LRTM1: variants seen among roughly 807,000 people sequenced by gnomAD.
LRTM1 encodes leucine rich repeat transmembrane protein 1.
In LRTM1, 38 loss-of-function variants were observed where a neutral mutation model predicts 32.4. That is an observed-to-expected ratio of 1.17 (90% CI 0.91 to 1.54). LRTM1 has a LOEUF of 1.54. Among genes scored for constraint, LRTM1 ranks in the 40% most tolerant of loss-of-function variants. LRTM1 has a pLI of 0.00. For synonymous variants in LRTM1, 186 were observed against 169.9 expected, an observed-to-expected ratio of 1.09 and a Z score of -0.74; for missense variants, 466 against 415.4, an observed-to-expected ratio of 1.12 and a Z score of -1.06.
At position 54,924,504 on chromosome 3, in the gene LRTM1, A is replaced by G; in HGVS notation, c.604+115T>C. On this transcript the variant is annotated intron_variant, in intron 2 of 2. Transcript: ENST00000273286. ...CCGTGAAATGGCACCGATGTGTAAA[A>G]GCCCAAATCCACCCCTTACACACTC... 4.8e-6 allele frequency: 4 copies of G among 834,626 alleles called. No individual in the cohort carries two copies. In the South Asian group the frequency reaches 7.3e-5, roughly 15 times the overall value. The allele number at this position is 834,626 out of a possible 1,614,324, so 51.7% of individuals were successfully genotyped here. A position where few individuals can be genotyped will look rare whatever the true frequency, so the allele number is the denominator to read the frequency against.
chr3:54,924,212 G>A (rs1700942614), intron 2 of LRTM1, among the ~76,000 whole-genome samples: 1 of 152,196 alleles, frequency 6.6e-6, no homozygotes, highest in African/African-American at 2.4e-5. Flanking sequence ...GGTAGAAGCA[G>A]ACAAAGAGAG....
At chr3:54,958,873 G>T (rs1044097418) in intron 1 of LRTM1, among the ~76,000 whole-genome samples, 4 of 152,158 alleles carry the variant, frequency 2.6e-5, no homozygotes, top group African/African-American at 9.7e-5. Context: ...GGAGGCCAAG[G>T]CAGGAGGATT....
At chr3:54,932,074 C>A (rs1701203585), upstream of LRTM1, among the ~76,000 whole-genome samples, 1 of 151,932 alleles carries the variant, frequency 6.6e-6, no homozygotes, top group African/African-American at 2.4e-5. Flanking sequence ...CTGAGCTACT[C>A]GGGAGGCTGA....
At chr3:54,951,839 G>C (rs1183202054) in intron 1 of LRTM1, among the ~76,000 whole-genome samples, 1 of 152,164 alleles carries the variant, frequency 6.6e-6, no homozygotes, top group Non-Finnish European at 1.5e-5. Context: ...CTTAGGACCA[G>C]CCATGCTTGT....
chr3:54,939,158 A>G (rs1008505798), intron 1 of LRTM1, among the ~76,000 whole-genome samples: 1 of 152,210 alleles, frequency 6.6e-6, no homozygotes, highest in African/African-American at 2.4e-5. Flanking sequence ...GCTGAATCCA[A>G]CATCTGAAAC....
chr3:54,952,915 C>T (rs1701794801), intron 1 of LRTM1, among the ~76,000 whole-genome samples: 1 of 152,120 alleles, frequency 6.6e-6, no homozygotes, highest in African/African-American at 2.4e-5. Context: ...ACTTGTCTTC[C>T]AGCAACAAAG....
chr3:54,951,478 G>T (rs551930221), intron 1 of LRTM1, among the ~76,000 whole-genome samples: 18 of 152,314 alleles, frequency 1.2e-4, no homozygotes, highest in Non-Finnish European at 1.9e-4. Context: ...GCAGTGGGGT[G>T]GGGGGCTGCT....
chr3:54,945,303 G>A (rs185656346), intron 1 of LRTM1, among the ~76,000 whole-genome samples: 3 of 152,346 alleles, frequency 2.0e-5, no homozygotes, highest in East Asian at 3.9e-4. Context: ...CTGTGGCAGT[G>A]GTTAGAATTG....
intron 1 of LRTM1, among the ~76,000 whole-genome samples, chr3:54,949,567 G>A (rs1701703267): frequency 6.6e-6 from 1 of 152,166 alleles, no homozygotes; most frequent in Admixed American, 6.5e-5. Flanking sequence ...TCTACCCATT[G>A]ATGCCATACC....
chr3:54,918,337 T>TTTC lies in LRTM1; in HGVS notation c.*121_*122insGAA. On this transcript the variant is annotated 3_prime_UTR_variant, in exon 3 of 3. Transcript: ENST00000273286. ...CAGACACATCTTTTTTTTTTCTTTT[T>TTTC]TTTTTTTTTTTTTTTTTTGTCTTTT... 4.3e-6 allele frequency: 1 copy of TTTC among 233,454 alleles called. No homozygotes were observed. The highest frequency in any genetic ancestry group is 1.9e-3 in the Middle Eastern group (1 of 530). The allele number at this position is 233,454 out of a possible 1,614,324, so 14.5% of individuals were successfully genotyped here.
chr3:54,944,395 G>GGTAT (rs1355239710), intron 1 of LRTM1, among the ~76,000 whole-genome samples: 12 of 145,866 alleles, frequency 8.2e-5, no homozygotes, highest in East Asian at 2.0e-4. Context: ...AATTTCCCAG[G>GGTAT]GTATTTATTT....
intron 1 of LRTM1, among the ~76,000 whole-genome samples, chr3:54,953,450 G>A (rs1701806941): frequency 6.6e-6 from 1 of 152,138 alleles, no homozygotes; most frequent in East Asian, 1.9e-4. Flanking sequence ...AGTACAGATA[G>A]CACTGGGCCA....
At chr3:54,949,108 CA>C (rs1701690326) in intron 1 of LRTM1, among the ~76,000 whole-genome samples, 1 of 152,164 alleles carries the variant, frequency 6.6e-6, no homozygotes, top group Non-Finnish European at 1.5e-5. Context: ...AGCAGATTGG[CA>C]AACTCAGTGG....
chr3:54,927,906 T>C lies in LRTM1; in HGVS notation c.6A>G (p.Lys2=), dbSNP rs1490997628. The part of the protein sequence containing the change: M[K]GELLLFSSVI... ...CAACGGGAATTGATCAGGGCTCACC[T>C]TTCATGACTGAGTCTCCTTGGGCGT... is the stretch of plus-strand genomic sequence containing the variant. Residue 2 remains lysine, a splice_region_variant and synonymous_variant, in exon 1 of 3, where the codon AAA becomes AAG. Transcript: ENST00000273286. The C allele has an allele frequency of 6.2e-7, 1 of 1,613,602 alleles. No homozygotes were observed. The highest frequency in any genetic ancestry group is 8.5e-7 in the Non-Finnish European group (1 of 1,179,706).
At chr3:54,925,247 A>T (rs1225063724) in intron 1 of LRTM1, 32 bp from the exon 2 acceptor site, 1 of 1,566,848 alleles carries the variant, frequency 6.4e-7, no homozygotes. Flanking sequence ...TGGGATAGGA[A>T]CCAGTTTGTG....
chr3:54,965,934 A>G (rs1010471644), intron 1 of LRTM1, among the ~76,000 whole-genome samples: 5 of 152,158 alleles, frequency 3.3e-5, no homozygotes, highest in African/African-American at 1.2e-4. Flanking sequence ...GAGGGAGATC[A>G]GAGAGAAGCA....
chr3:54,930,101 A>G (rs1018188804), upstream of LRTM1, among the ~76,000 whole-genome samples: 5 of 152,218 alleles, frequency 3.3e-5, no homozygotes, highest in Non-Finnish European at 7.3e-5. Context: ...ACATAAATCA[A>G]TGGGTGTGCC....
chr3:54,932,059 A>G (rs545927494), upstream of LRTM1, among the ~76,000 whole-genome samples: 8 of 152,072 alleles, frequency 5.3e-5, no homozygotes, highest in Non-Finnish European at 4.4e-5. Context: ...GTGAGCGCCT[A>G]TAGTCTGAGC....
rs552669719 is a variant in LRTM1 at position 54,922,987 on chromosome 3, C to T, written c.604+1632G>A. Among the ~76,000 whole-genome samples the T allele has an allele frequency of 5.3e-5, 8 of 152,286 alleles. 1 individual carries two copies. Among genetic ancestry groups the T allele is most frequent in the African/African-American group, 1.9e-4 (8 of 41,568 alleles). Reference sequence around the variant, plus strand: ...CCAGTTCAGTATTCCAAGTATCTCCCAGCATTGATCATGTCTCACCACCCT... The same window carrying T: ...CCAGTTCAGTATTCCAAGTATCTCCTAGCATTGATCATGTCTCACCACCCT... On this transcript the variant is annotated intron_variant, in intron 2 of 2. Transcript: ENST00000273286.
Sources: gnomAD v4.1 joint callset for allele counts (sites outside exome capture counted in the v4.1 genomes callset) on GRCh38, gnomAD v4.1.1 for gene constraint, MANE v1.5 for transcripts, NCBI Gene and HGNC (gene_info 2026-07-23, HGNC 2026-07-21) for gene names.